Variants in MGAT5 observed in about 807,000 individuals in gnomAD.
The protein encoded by MGAT5 is alpha-1,6-mannosylglycoprotein 6-beta-N-acetylglucosaminyltransferase.
Under a neutral mutation model 94.3 loss-of-function variants are expected in MGAT5, and 30 were observed. The ratio of observed to expected loss-of-function variants is 0.32; its 90% CI spans 0.24 to 0.43. The LOEUF (loss-of-function observed/expected upper bound fraction) is 0.43. MGAT5 is among the 20% of genes least tolerant of loss of function. MGAT5 has a pLI of 1.00. For synonymous variants in MGAT5, 310 were observed against 322.9 expected (o/e 0.96, Z 0.43); for missense variants, 691 against 905.5 (o/e 0.76, Z 3.04).
At chr2:134,183,584 C>T (rs4953903) in intron 1 of MGAT5, among the ~76,000 whole-genome samples, 34,250 of 152,134 alleles carry the variant, frequency 0.23, 4,618 homozygotes, top group East Asian at 0.38. Flanking sequence ...GAATGGATAG[C>T]CTGTTTAATA....
At chr2:134,436,430 C>T (rs1012455364) in intron 14 of MGAT5, among the ~76,000 whole-genome samples, 3 of 152,148 alleles carry the variant, frequency 2.0e-5, no homozygotes, top group African/African-American at 7.2e-5. Context: ...CTGGGGAGCA[C>T]CAGAAAGGGT....
At chr2:134,339,497 T>C (rs1441294089) in intron 6 of MGAT5, among the ~76,000 whole-genome samples, 1 of 152,146 alleles carries the variant, frequency 6.6e-6, no homozygotes, top group Non-Finnish European at 1.5e-5. Flanking sequence ...AAGGAGATGG[T>C]GATGATGGTT....
At chr2:134,217,312 T>G (rs1184896183) in intron 1 of MGAT5, among the ~76,000 whole-genome samples, 1 of 151,110 alleles carries the variant, frequency 6.6e-6, no homozygotes, top group Non-Finnish European at 1.5e-5. Flanking sequence ...AGGAAGGAAA[T>G]ACATCTTTTT....
At chr2:134,394,576 A>G (rs889326637) in intron 10 of MGAT5, among the ~76,000 whole-genome samples, 2 of 152,152 alleles carry the variant, frequency 1.3e-5, no homozygotes, top group Non-Finnish European at 2.9e-5. Flanking sequence ...ATACACTAAA[A>G]TGATTTAAAA....
chr2:134,246,556 C>T (rs1226964434), intron 1 of MGAT5, among the ~76,000 whole-genome samples: 1 of 152,226 alleles, frequency 6.6e-6, no homozygotes, highest in East Asian at 1.9e-4. Context: ...ACCAGTAATC[C>T]TGTAAATGTG....
intron 2 of MGAT5, among the ~76,000 whole-genome samples, chr2:134,287,137 T>C (rs1467162738): frequency 1.3e-5 from 2 of 152,214 alleles, no homozygotes; most frequent in Non-Finnish European, 2.9e-5. Context: ...TTCTCTCATA[T>C]CACTTTTCTC....
At chr2:134,191,680 C>A (rs889476595) in intron 1 of MGAT5, among the ~76,000 whole-genome samples, 8 of 150,356 alleles carry the variant, frequency 5.3e-5, no homozygotes, top group African/African-American at 1.7e-4. Flanking sequence ...CCTCCTCCTC[C>A]TCCTCTTTCT....
At chr2:134,247,367 A>C (rs998952037) in intron 1 of MGAT5, among the ~76,000 whole-genome samples, 20 of 148,364 alleles carry the variant, frequency 1.3e-4, no homozygotes, top group Middle Eastern at 3.5e-3. Context: ...ATTAAAAAAA[A>C]AAAAAAACAA....
chr2:134,283,645 CTTTTTTTTTTT>C (rs35922830), intron 2 of MGAT5, among the ~76,000 whole-genome samples: 6,137 of 69,048 alleles, frequency 0.089, 270 homozygotes, highest in Non-Finnish European at 0.11. Context: ...AATGTAGTAT[CTTTTTTTTTTT>C]TTTTTTTTTT....
chr2:134,348,240 G>T (rs921334859), intron 8 of MGAT5, among the ~76,000 whole-genome samples: 1 of 152,134 alleles, frequency 6.6e-6, no homozygotes, highest in Admixed American at 6.5e-5. Context: ...CTTTTTTCGG[G>T]ACTGTGGGCT....
At chr2:134,135,429 C>A (rs943157328) in intron 1 of MGAT5, among the ~76,000 whole-genome samples, 2 of 152,086 alleles carry the variant, frequency 1.3e-5, no homozygotes, top group African/African-American at 4.8e-5. Flanking sequence ...TGCGGTGGCT[C>A]ACACCTGTAA....
intron 1 of MGAT5, among the ~76,000 whole-genome samples, chr2:134,237,613 G>A (rs1400226556): frequency 7.0e-6 from 1 of 142,898 alleles, no homozygotes; most frequent in Non-Finnish European, 1.5e-5. Context: ...TTATATAAAT[G>A]ATTTAATTCT....
Position 134,422,893 on chromosome 2 carries a change from G to A in MGAT5, c.1768G>A (p.Ala590Thr), listed in dbSNP as rs1684378075. 6.2e-7 allele frequency: 1 copy of A among 1,613,490 alleles called. No individual in the cohort carries two copies. The highest frequency in any genetic ancestry group is 1.3e-5 in the African/African-American group (1 of 74,908). ...DLNNQEEVED[A>T]VKAILNQKIE... is the part of the protein sequence containing the mutation. ...CAACAATCAGGAGGAAGTAGAGGAT[G>A]CAGTGAAAGCAATTTTAAATCAGAA... The change falls in exon 13 of 16, where the codon GCA (alanine) becomes ACA (threonine). Residue 590 changes from alanine (A) to threonine (T), a missense_variant. Coordinates refer to ENST00000281923, the MANE Select transcript of MGAT5 (RefSeq NM_002410.5).
At chr2:134,443,874 C>T (rs980586357) in intron 15 of MGAT5, among the ~76,000 whole-genome samples, 8 of 152,164 alleles carry the variant, frequency 5.3e-5, no homozygotes, top group South Asian at 2.1e-4. Context: ...AGAAGAGATA[C>T]GAGAAGCCGC....
intron 10 of MGAT5, among the ~76,000 whole-genome samples, chr2:134,394,421 C>T (rs1682590240): frequency 6.6e-6 from 1 of 152,168 alleles, no homozygotes; most frequent in South Asian, 2.1e-4. Context: ...TGTCCTTTAA[C>T]ATGAATATAT....
At chr2:134,160,306 C>G (rs113584578) in intron 1 of MGAT5, among the ~76,000 whole-genome samples, 1 of 152,092 alleles carries the variant, frequency 6.6e-6, no homozygotes, top group African/African-American at 2.4e-5. Flanking sequence ...CCCGAGCAGC[C>G]GGGACTACAG....
At chr2:134,265,013 C>A (rs1245730906) in intron 1 of MGAT5, among the ~76,000 whole-genome samples, 1 of 152,170 alleles carries the variant, frequency 6.6e-6, no homozygotes, top group Non-Finnish European at 1.5e-5. Flanking sequence ...TTGGCTGTGC[C>A]CTAATCCTTG....
chr2:134,149,062 GC>G (rs367877892), intron 1 of MGAT5, among the ~76,000 whole-genome samples: 250 of 152,252 alleles, frequency 1.6e-3, no homozygotes, highest in African/African-American at 5.7e-3. Context: ...ACCGTGCCCA[GC>G]CTGGTGTTTA....
At position 134,428,240 on chromosome 2, in the gene MGAT5, A is replaced by G. The variant is rs1262182648; in HGVS notation, c.1795-125A>G. 9 of 756,914 alleles carry G rather than the reference A, an allele frequency of 1.2e-5. No individual in the cohort carries two copies. The East Asian group carries it at 2.1e-4, about 18-fold the overall frequency. The allele number at this position is 756,914 out of a possible 1,614,324, so 46.9% of individuals were successfully genotyped here. A position where few individuals can be genotyped will look rare whatever the true frequency, so the allele number is the denominator to read the frequency against. On this transcript the variant is annotated intron_variant, in intron 13 of 15. Coordinates refer to ENST00000281923, the MANE Select transcript of MGAT5 (RefSeq NM_002410.5). ...GCTTGAGATCACGACTTGCAAGTCC[A>G]TAGTCAACCCTCATGAGGCCGACTC...
Sources: gnomAD v4.1 joint callset for allele counts (sites outside exome capture counted in the v4.1 genomes callset) on GRCh38, gnomAD v4.1.1 for gene constraint, MANE v1.5 for transcripts, NCBI Gene and HGNC (gene_info 2026-07-23, HGNC 2026-07-21) for gene names.